Variants in SLC25A13 observed in about 807,000 individuals in gnomAD.
SLC25A13 encodes the protein solute carrier family 25 member 13.
In SLC25A13, 70 loss-of-function variants were observed where a neutral mutation model predicts 85.5. That is an observed-to-expected ratio of 0.82 (90% CI 0.68 to 1.00). The LOEUF is 1.00. Ranked by LOEUF, SLC25A13 falls within the 50% of genes least tolerant of loss-of-function variation. The pLI is 0.00. For missense variants in SLC25A13, 765 were observed against 819.8 expected (o/e 0.93, Z 0.82); for synonymous variants, 259 against 288.7 (o/e 0.90, Z 1.04).
intron 4 of SLC25A13, among the ~76,000 whole-genome samples, chr7:96,232,204 C>G (rs1326581767): frequency 2.6e-5 from 4 of 151,908 alleles, no homozygotes; most frequent in Non-Finnish European, 5.9e-5. Flanking sequence ...TAATGATAGA[C>G]TGGATAAAGA....
intron 13 of SLC25A13, among the ~76,000 whole-genome samples, chr7:96,147,404 C>T (rs1049569029): frequency 6.6e-6 from 1 of 152,116 alleles, no homozygotes; most frequent in Admixed American, 6.5e-5. Flanking sequence ...ACCAACCAAA[C>T]TTTGAACATC....
intron 3 of SLC25A13, among the ~76,000 whole-genome samples, chr7:96,276,601 C>G (rs1798459441): frequency 6.6e-6 from 1 of 152,026 alleles, no homozygotes; most frequent in Non-Finnish European, 1.5e-5. Flanking sequence ...CCAGCCCGAG[C>G]AACAGAGTGA....
chr7:96,132,602 C>T (rs115131531), intron 14 of SLC25A13, among the ~76,000 whole-genome samples: 154 of 152,096 alleles, frequency 1.0e-3, no homozygotes, highest in African/African-American at 3.6e-3. Flanking sequence ...AGAGGCCCCG[C>T]GAATTGATGA....
chr7:96,126,335 A>T (rs917618793), intron 15 of SLC25A13, among the ~76,000 whole-genome samples: 1 of 152,096 alleles, frequency 6.6e-6, no homozygotes, highest in African/African-American at 2.4e-5. Context: ...TTTTTCCTGC[A>T]TCTGTGGTAG....
At chr7:96,126,305 A>C (rs1386012822) in intron 15 of SLC25A13, among the ~76,000 whole-genome samples, 2 of 152,164 alleles carry the variant, frequency 1.3e-5, no homozygotes, top group African/African-American at 4.8e-5. Context: ...TCTTCTTGGG[A>C]AAAGCTGCCA....
chr7:96,184,302 A>G lies in SLC25A13; in HGVS notation c.1152T>C (p.Tyr384=), dbSNP rs540364299. The change falls in exon 11 of 18, where the codon TAT becomes TAC. Residue 384 remains tyrosine, a synonymous_variant. Coordinates refer to ENST00000265631, the MANE Select transcript of SLC25A13 (RefSeq NM_014251.3). ...SFDCFKKVLR[Y]EGFFGLYRGL... Reference sequence around the variant, plus strand: ...CTCTATACAGTCCAAAGAAGCCTTCATAGCGTAGCACTTTCTTAAAACAGT... The same window carrying G: ...CTCTATACAGTCCAAAGAAGCCTTCGTAGCGTAGCACTTTCTTAAAACAGT... 1.9e-6 allele frequency: 3 copies of G among 1,614,204 alleles called. No homozygotes were observed. In the South Asian group the frequency reaches 3.3e-5, roughly 18 times the overall value.
At chr7:96,285,614 T>TC (rs1315283540) in intron 2 of SLC25A13, among the ~76,000 whole-genome samples, 3 of 152,232 alleles carry the variant, frequency 2.0e-5, no homozygotes, top group South Asian at 4.2e-4. Flanking sequence ...GGCTGCTCCC[T>TC]CCTTCCACCT....
chr7:96,316,350 G>A (rs1800126043), intron 1 of SLC25A13, among the ~76,000 whole-genome samples: 1 of 152,156 alleles, frequency 6.6e-6, no homozygotes, highest in African/African-American at 2.4e-5. Context: ...TTGGAGAGAT[G>A]AGAAATACAC....
intron 4 of SLC25A13, among the ~76,000 whole-genome samples, chr7:96,224,663 A>T (rs1796263894): frequency 6.6e-6 from 1 of 152,198 alleles, no homozygotes. Flanking sequence ...TACACTGGTA[A>T]CTCTAAGCCA....
At chr7:96,199,501 T>C (rs1795174691) in intron 5 of SLC25A13, among the ~76,000 whole-genome samples, 1 of 152,142 alleles carries the variant, frequency 6.6e-6, no homozygotes, top group African/African-American at 2.4e-5. Flanking sequence ...AATGGGTGCT[T>C]ACTAAATGCT....
At chr7:96,262,991 A>C (rs1385530676) in intron 3 of SLC25A13, among the ~76,000 whole-genome samples, 1 of 145,936 alleles carries the variant, frequency 6.9e-6, no homozygotes. Context: ...CTCAGTAACT[A>C]TTCATTTCCT....
At chr7:96,262,288 CT>C (rs1797882079) in intron 3 of SLC25A13, among the ~76,000 whole-genome samples, 1 of 152,124 alleles carries the variant, frequency 6.6e-6, no homozygotes, top group African/African-American at 2.4e-5. Flanking sequence ...ATTAATCCAG[CT>C]TATCTTTCTA....
chr7:96,171,101 A>C (rs1399121680), intron 12 of SLC25A13, among the ~76,000 whole-genome samples: 1 of 152,206 alleles, frequency 6.6e-6, no homozygotes, highest in Non-Finnish European at 1.5e-5. Context: ...CAGGTATGCT[A>C]CTTAAGCCCG....
chr7:96,151,742 A>C (rs1276570311), intron 13 of SLC25A13, among the ~76,000 whole-genome samples: 1 of 152,138 alleles, frequency 6.6e-6, no homozygotes, highest in Non-Finnish European at 1.5e-5. Flanking sequence ...CAGGAGTTTG[A>C]GACCAGGCTG....
rs1270161228 is a variant in SLC25A13, at chr7:96,300,879, C to A, written c.16-3928G>T. ...CTATAGTAATTCCATCTATTATTCACCAGTCAAATGCTGTGTGGCTGTTCG... is the reference window on the plus strand; with the variant it reads ...CTATAGTAATTCCATCTATTATTCAACAGTCAAATGCTGTGTGGCTGTTCG... On this transcript the variant is annotated intron_variant, in intron 1 of 17. Transcript: ENST00000265631. 3.3e-5 allele frequency among the ~76,000 whole-genome samples: 5 copies of A among 152,336 alleles called. No homozygotes were observed. In the East Asian group the frequency reaches 9.6e-4, roughly 29 times the overall value.
chr7:96,287,108 AG>A (rs1446306831), intron 2 of SLC25A13, among the ~76,000 whole-genome samples: 1 of 152,252 alleles, frequency 6.6e-6, no homozygotes, highest in Non-Finnish European at 1.5e-5. Flanking sequence ...TTAACTAAGA[AG>A]CTCGGCCTGG....
chr7:96,214,856 T>C (rs1485180421), intron 4 of SLC25A13, among the ~76,000 whole-genome samples: 1 of 151,972 alleles, frequency 6.6e-6, no homozygotes, highest in Non-Finnish European at 1.5e-5. Flanking sequence ...CAAAACAGCA[T>C]TGAAAGAAAC....
At chr7:96,125,013 A>G (rs183409721) in intron 15 of SLC25A13, among the ~76,000 whole-genome samples, 52 of 152,226 alleles carry the variant, frequency 3.4e-4, no homozygotes, top group Admixed American at 7.8e-4. Context: ...ACATATACCA[A>G]AGTCAGCAAT....
chr7:96,171,545 G>T, intron 11 of SLC25A13, 21 bp from the exon 12 acceptor site: 1 of 1,598,832 alleles, frequency 6.3e-7, no homozygotes, highest in Non-Finnish European at 8.6e-7. Flanking sequence ...ACAAAAAGTA[G>T]AAGTATATTA....
Sources: allele counts gnomAD v4.1 joint callset (sites outside exome capture counted in the v4.1 genomes callset), GRCh38; gene constraint gnomAD v4.1.1; transcripts MANE v1.5; gene names NCBI Gene and HGNC (gene_info 2026-07-23, HGNC 2026-07-21).